FSTL5: variants seen among roughly 807,000 people sequenced by gnomAD.
FSTL5 encodes follistatin like 5.
FSTL5 carries 62 observed loss-of-function variants against 89.1 expected under a neutral mutation model. The ratio of observed to expected loss-of-function variants is 0.70; its 90% CI spans 0.57 to 0.86. FSTL5 has a LOEUF of 0.86. Among genes scored for constraint, FSTL5 ranks in the 40% least tolerant of loss-of-function variants. The pLI is 0.00. For synonymous variants in FSTL5, 383 were observed against 346.2 expected (o/e 1.11, Z -1.18); for missense variants, 1,057 against 1,001.6 (o/e 1.06, Z -0.75).
At chr4:161,955,541 T>C (rs1735005113) in intron 3 of FSTL5, among the ~76,000 whole-genome samples, 1 of 151,872 alleles carries the variant, frequency 6.6e-6, no homozygotes, top group Admixed American at 6.6e-5. Flanking sequence ...AAAATGTTTA[T>C]CATCTCCTCA....
chr4:162,030,326 A>T (rs1209289677), intron 3 of FSTL5, among the ~76,000 whole-genome samples: 1 of 152,280 alleles, frequency 6.6e-6, no homozygotes, highest in East Asian at 1.9e-4. Context: ...ATATATGTAG[A>T]AAACTCAATA....
chr4:161,925,052 T>C (rs996416931), intron 3 of FSTL5, among the ~76,000 whole-genome samples: 4 of 151,820 alleles, frequency 2.6e-5, no homozygotes, highest in African/African-American at 7.2e-5. Flanking sequence ...TTGGGCCTTA[T>C]TGGGTTCTAG....
chr4:161,643,252 G>A (rs1438692200), intron 7 of FSTL5, among the ~76,000 whole-genome samples: 2 of 152,098 alleles, frequency 1.3e-5, no homozygotes, highest in South Asian at 2.1e-4. Flanking sequence ...GACATAAGAA[G>A]AGACTTTGAA....
intron 8 of FSTL5, among the ~76,000 whole-genome samples, chr4:161,586,921 A>G (rs1238699073): frequency 6.6e-6 from 1 of 152,238 alleles, no homozygotes; most frequent in Non-Finnish European, 1.5e-5. Flanking sequence ...AATCAGTCAT[A>G]TGTGTAATCC....
chr4:161,656,215 T>G (rs1736506688), intron 7 of FSTL5, 113 bp downstream of exon 7: 3 of 510,940 alleles, frequency 5.9e-6, no homozygotes, highest in East Asian at 3.3e-5. Context: ...AATGTCCCAA[T>G]AATTCTCTTT....
At chr4:161,968,108 C>G (rs1363250844) in intron 3 of FSTL5, among the ~76,000 whole-genome samples, 1 of 151,912 alleles carries the variant, frequency 6.6e-6, no homozygotes, top group African/African-American at 2.4e-5. Context: ...TGGTCCTTCA[C>G]TTATTAACTT....
chr4:161,414,304 C>T (rs1731700719), intron 15 of FSTL5, among the ~76,000 whole-genome samples: 1 of 152,126 alleles, frequency 6.6e-6, no homozygotes, highest in Non-Finnish European at 1.5e-5. Flanking sequence ...ACCACATCTT[C>T]AATCCACTCT....
At chr4:161,529,037 G>T (rs1300293959) in intron 10 of FSTL5, among the ~76,000 whole-genome samples, 1 of 142,926 alleles carries the variant, frequency 7.0e-6, no homozygotes, top group Non-Finnish European at 1.5e-5. Flanking sequence ...TTCATTAAAG[G>T]TATATAATGC....
chr4:162,065,006 G>A (rs1244373409), intron 2 of FSTL5, among the ~76,000 whole-genome samples: 1 of 151,830 alleles, frequency 6.6e-6, no homozygotes, highest in Non-Finnish European at 1.5e-5. Flanking sequence ...GATTGGGAAA[G>A]GAATATCTCT....
intron 4 of FSTL5, among the ~76,000 whole-genome samples, chr4:161,892,086 T>C (rs978214664): frequency 4.6e-5 from 7 of 152,042 alleles, no homozygotes; most frequent in African/African-American, 1.2e-4. Flanking sequence ...TCTAGAATTA[T>C]GTTTTCCTGA....
At chr4:161,951,186 T>C (rs1734883965) in intron 3 of FSTL5, among the ~76,000 whole-genome samples, 1 of 152,104 alleles carries the variant, frequency 6.6e-6, no homozygotes, top group Non-Finnish European at 1.5e-5. Flanking sequence ...ACCATGATTG[T>C]GAGGCCTCCC....
chr4:161,999,503 T>C (rs1208813247), intron 3 of FSTL5, among the ~76,000 whole-genome samples: 1 of 152,188 alleles, frequency 6.6e-6, no homozygotes, highest in Non-Finnish European at 1.5e-5. Context: ...TCCTTTCGTG[T>C]AGAGTAAATC....
chr4:161,973,444 T>C (rs953628483), intron 3 of FSTL5, among the ~76,000 whole-genome samples: 6 of 152,204 alleles, frequency 3.9e-5, no homozygotes, highest in African/African-American at 1.4e-4. Context: ...TTTCAAATGA[T>C]TGGACAATTG....
chr4:161,823,912 G>A (rs1264495742), intron 4 of FSTL5, among the ~76,000 whole-genome samples: 1 of 152,192 alleles, frequency 6.6e-6, no homozygotes, highest in Non-Finnish European at 1.5e-5. Flanking sequence ...CTGGATACTA[G>A]TCCTTTGTCA....
At chr4:162,019,001 A>C (rs1409994749) in intron 3 of FSTL5, among the ~76,000 whole-genome samples, 4 of 152,258 alleles carry the variant, frequency 2.6e-5, no homozygotes, top group Non-Finnish European at 4.4e-5. Flanking sequence ...AAAATACTTA[A>C]TGTCATGTTG....
At chr4:161,479,628 A>G (rs1212915955) in intron 13 of FSTL5, among the ~76,000 whole-genome samples, 3 of 152,186 alleles carry the variant, frequency 2.0e-5, no homozygotes, top group Non-Finnish European at 4.4e-5. Flanking sequence ...AAAGAAGTGA[A>G]ATATACAGCA....
chr4:161,433,493 C>T (rs1261484263), intron 15 of FSTL5, among the ~76,000 whole-genome samples: 2 of 152,016 alleles, frequency 1.3e-5, no homozygotes. Flanking sequence ...CCTCTAAGAG[C>T]TGAAACACAA....
chr4:161,451,024 A>G (rs1449877573), intron 15 of FSTL5, among the ~76,000 whole-genome samples: 3 of 152,088 alleles, frequency 2.0e-5, no homozygotes, highest in East Asian at 3.9e-4. Flanking sequence ...GATTACAGGC[A>G]TGAGCCACTG....
intron 1 of FSTL5, among the ~76,000 whole-genome samples, chr4:162,125,399 A>T (rs1732040357): frequency 6.6e-6 from 1 of 152,190 alleles, no homozygotes; most frequent in Admixed American, 6.5e-5. Context: ...GGCACAGTAT[A>T]ATGACAAGAT....
Sources: gnomAD v4.1 joint callset for allele counts (sites outside exome capture counted in the v4.1 genomes callset) on GRCh38, gnomAD v4.1.1 for gene constraint, MANE v1.5 for transcripts, NCBI Gene and HGNC (gene_info 2026-07-23, HGNC 2026-07-21) for gene names.